RHBDD1: variants seen among roughly 807,000 people sequenced by gnomAD.
RHBDD1 encodes rhomboid-related protein 4.
In RHBDD1, 38 loss-of-function variants were observed where a neutral mutation model predicts 36.3. The observed-to-expected ratio is 1.05, with a 90% CI of 0.81 to 1.37. The LOEUF is 1.37. Among genes scored for constraint, RHBDD1 ranks in the 40% most tolerant of loss-of-function variants. The pLI is 0.00. For synonymous variants in RHBDD1, 151 were observed against 136.5 expected, an observed-to-expected ratio of 1.11 and a Z score of -0.74; for missense variants, 393 against 377.6, an observed-to-expected ratio of 1.04 and a Z score of -0.34.
At chr2:226,895,230 G>A (rs1475394011) in intron 5 of RHBDD1, among the ~76,000 whole-genome samples, 2 of 152,194 alleles carry the variant, frequency 1.3e-5, no homozygotes, top group Non-Finnish European at 2.9e-5. Flanking sequence ...CATGAGCCAG[G>A]GTGAAGCCTG....
intron 5 of RHBDD1, among the ~76,000 whole-genome samples, chr2:226,897,731 G>A (rs1469971307): frequency 6.6e-6 from 1 of 152,160 alleles, no homozygotes; most frequent in East Asian, 1.9e-4. Context: ...CAGCGCTTTG[G>A]GAGGCCGAGG....
At chr2:226,820,897 C>T in the RHBDD1 span, among the ~76,000 whole-genome samples, 1 of 152,062 alleles carries the variant, frequency 6.6e-6, no homozygotes, top group Non-Finnish European at 1.5e-5. Context: ...GCTGGTGTGT[C>T]AAAGAATAAT....
At chr2:226,917,034 A>C (rs1179859624) in intron 8 of RHBDD1, among the ~76,000 whole-genome samples, 3 of 152,162 alleles carry the variant, frequency 2.0e-5, no homozygotes, top group Non-Finnish European at 4.4e-5. Context: ...AAGGGCTTAC[A>C]TTTTGGGAAT....
At chr2:226,821,386 T>C in the RHBDD1 span, among the ~76,000 whole-genome samples, 3 of 152,182 alleles carry the variant, frequency 2.0e-5, no homozygotes, top group Non-Finnish European at 4.4e-5. Context: ...TTAAAAAAAC[T>C]AATTTGTTCT....
At chr2:226,886,547 C>T (rs772511244) in intron 5 of RHBDD1, among the ~76,000 whole-genome samples, 9 of 152,282 alleles carry the variant, frequency 5.9e-5, no homozygotes, top group South Asian at 2.1e-4. Flanking sequence ...GTGCAGGACA[C>T]GGTCCTGCCT....
chr2:226,924,813 ATC>A (rs149088987), intron 8 of RHBDD1, among the ~76,000 whole-genome samples: 2,072 of 152,260 alleles, frequency 0.014, 22 homozygotes, highest in Non-Finnish European at 0.023. Flanking sequence ...GATGTCCACA[ATC>A]ACTGTGCTCT....
chr2:226,904,028 A>T lies in RHBDD1; in HGVS notation c.567-2765A>T, dbSNP rs376718866. On this transcript the variant is annotated intron_variant, in intron 5 of 8. Transcript: ENST00000392062. ...CTCCCCATCCATCCCACTGGGAGCCACCTCCATCACCCAATAAAAGCCCCA... is the reference window on the plus strand; with the variant it reads ...CTCCCCATCCATCCCACTGGGAGCCTCCTCCATCACCCAATAAAAGCCCCA... Among the ~76,000 whole-genome samples, 57 of 152,198 alleles carry T rather than the reference A, an allele frequency of 3.7e-4. 1 individual carries two copies. The Middle Eastern group carries it at 0.01, about 27-fold the overall frequency.
At chr2:226,950,467 A>G (rs969868738) in intron 8 of RHBDD1, among the ~76,000 whole-genome samples, 6 of 152,180 alleles carry the variant, frequency 3.9e-5, no homozygotes, top group Admixed American at 1.3e-4. Context: ...ACTTAGGTTG[A>G]TTACTGGCTA....
At chr2:226,927,594 C>A (rs1010840933) in intron 8 of RHBDD1, among the ~76,000 whole-genome samples, 6 of 152,004 alleles carry the variant, frequency 3.9e-5, no homozygotes, top group Non-Finnish European at 8.8e-5. Context: ...TTCCTGCCGG[C>A]AGTATATGAG....
At chr2:226,857,981 A>C (rs900612981) in intron 3 of RHBDD1, among the ~76,000 whole-genome samples, 1 of 152,170 alleles carries the variant, frequency 6.6e-6, no homozygotes, top group African/African-American at 2.4e-5. Flanking sequence ...CTAGTGTTCC[A>C]TTATTGGAAT....
intron 8 of RHBDD1, among the ~76,000 whole-genome samples, chr2:226,973,764 C>T (rs1954026237): frequency 6.6e-6 from 1 of 152,198 alleles, no homozygotes; most frequent in African/African-American, 2.4e-5. Context: ...CCTTGACCTG[C>T]CTCCTTCACT....
intron 3 of RHBDD1, among the ~76,000 whole-genome samples, chr2:226,859,667 A>T (rs1943663817): frequency 6.6e-6 from 1 of 152,186 alleles, no homozygotes; most frequent in African/African-American, 2.4e-5. Flanking sequence ...TCCTGGAGCT[A>T]CTGATTTGGG....
chr2:226,928,309 G>T (rs1949798608), intron 8 of RHBDD1, among the ~76,000 whole-genome samples: 1 of 152,002 alleles, frequency 6.6e-6, no homozygotes, highest in African/African-American at 2.4e-5. Context: ...TATCTTCTCA[G>T]ACCATTGCAG....
chr2:226,930,012 A>G (rs778584146), intron 8 of RHBDD1, among the ~76,000 whole-genome samples: 1 of 152,084 alleles, frequency 6.6e-6, no homozygotes, highest in Non-Finnish European at 1.5e-5. Flanking sequence ...ATCATAGATG[A>G]TACAAACAAA....
chr2:226,921,382 C>T (rs915258751), intron 8 of RHBDD1, among the ~76,000 whole-genome samples: 3 of 151,114 alleles, frequency 2.0e-5, no homozygotes, highest in Admixed American at 6.6e-5. Context: ...ACTATTTTTT[C>T]GTTTTGTTAG....
the RHBDD1 span, chr2:226,810,815 G>T: frequency 2.6e-5 from 4 of 151,954 alleles, no homozygotes; most frequent in African/African-American, 7.3e-5. Context: ...CATCCCTGGG[G>T]GTTGTAAAAC....
At chr2:226,956,550 G>T (rs1430384266) in intron 8 of RHBDD1, among the ~76,000 whole-genome samples, 1 of 152,174 alleles carries the variant, frequency 6.6e-6, no homozygotes, top group African/African-American at 2.4e-5. Context: ...TGTTGTTGTT[G>T]TGAGTGTTCG....
chr2:226,919,559 G>C, intron 8 of RHBDD1, among the ~76,000 whole-genome samples: 1 of 151,912 alleles, frequency 6.6e-6, no homozygotes, highest in Non-Finnish European at 1.5e-5. Flanking sequence ...GTTCCCTCAG[G>C]AGTATTTATT....
intron 8 of RHBDD1, among the ~76,000 whole-genome samples, chr2:226,928,336 A>C (rs1008822099): frequency 6.6e-5 from 10 of 152,156 alleles, no homozygotes; most frequent in African/African-American, 2.2e-4. Context: ...ACTAGAAATC[A>C]GTTCTAAAAG....
Sources: allele counts gnomAD v4.1 joint callset (sites outside exome capture counted in the v4.1 genomes callset), GRCh38; gene constraint gnomAD v4.1.1; transcripts MANE v1.5; gene names NCBI Gene and HGNC (gene_info 2026-07-23, HGNC 2026-07-21).